The following PDE7B variants were observed in gnomAD, a reference collection of about 807,000 sequenced individuals.
The protein encoded by PDE7B is phosphodiesterase 7B.
Under a neutral mutation model 56.2 loss-of-function variants are expected in PDE7B, and 29 were observed. The observed-to-expected ratio is 0.52, with a 90% CI of 0.38 to 0.70. PDE7B has a LOEUF of 0.70. Among genes scored for constraint, PDE7B ranks in the 30% least tolerant of loss-of-function variants. The probability of loss-of-function intolerance (pLI) is 0.00; values close to 1 mark genes in which losing one functional copy is unlikely to be tolerated. For missense variants in PDE7B, 490 were observed against 565.0 expected, an observed-to-expected ratio of 0.87 and a Z score of 1.35; for synonymous variants, 197 against 196.9, an observed-to-expected ratio of 1.00 and a Z score of 0.00.
intron 1 of PDE7B, among the ~76,000 whole-genome samples, chr6:135,890,978 T>C (rs1775800867): frequency 1.3e-5 from 2 of 152,334 alleles, no homozygotes; most frequent in Admixed American, 1.3e-4. Context: ...ATAAGCCATG[T>C]GCCAAAAAAG....
intron 3 of PDE7B, among the ~76,000 whole-genome samples, chr6:136,141,861 G>C (rs531855450): frequency 6.7e-6 from 1 of 149,922 alleles, no homozygotes; most frequent in Non-Finnish European, 1.5e-5. Context: ...TCTCTTATTC[G>C]TCTTGCGAGC....
At position 136,131,529 on chromosome 6, in the gene PDE7B, G is replaced by A. The variant is rs542609727; in HGVS notation, c.167-15822G>A. ...TTTTTTTTTTTTTTTTGAGCCGCCT[G>A]TTTGCCCAAGTAACTCCCACTCTTT... On this transcript the variant is annotated intron_variant, in intron 3 of 12. Transcript: ENST00000308191. Among the ~76,000 whole-genome samples, 36 of 109,640 alleles carry A rather than the reference G, an allele frequency of 3.3e-4. No individual in the cohort carries two copies. In the East Asian group the frequency reaches 5.4e-3, roughly 16 times the overall value. 71.9% of individuals were successfully genotyped at this position (109,640 alleles called of 152,430 possible).
intron 2 of PDE7B, among the ~76,000 whole-genome samples, chr6:136,014,400 A>T (rs1775941571): frequency 6.6e-6 from 1 of 152,186 alleles, no homozygotes; most frequent in Non-Finnish European, 1.5e-5. Flanking sequence ...TACACATGAT[A>T]TATATTCCAC....
chr6:135,966,466 C>CAGAGT (rs1429182731), intron 2 of PDE7B, among the ~76,000 whole-genome samples: 2 of 152,292 alleles, frequency 1.3e-5, no homozygotes, highest in Admixed American at 1.3e-4. Flanking sequence ...AAGCAGGCTC[C>CAGAGT]AGAGTCTCTT....
chr6:135,942,645 T>C (rs985776817), intron 1 of PDE7B, among the ~76,000 whole-genome samples: 5 of 152,134 alleles, frequency 3.3e-5, no homozygotes, highest in Non-Finnish European at 5.9e-5. Flanking sequence ...AATTTCACCC[T>C]CTAACCTCAC....
At chr6:136,185,570 C>T (rs750633156) in intron 11 of PDE7B, among the ~76,000 whole-genome samples, 2 of 151,638 alleles carry the variant, frequency 1.3e-5, no homozygotes, top group East Asian at 1.9e-4. Context: ...GCCTAGGCAA[C>T]GTAGAGATCC....
At chr6:135,855,069 C>G (rs573781588) in intron 1 of PDE7B, among the ~76,000 whole-genome samples, 2 of 152,206 alleles carry the variant, frequency 1.3e-5, no homozygotes, top group African/African-American at 2.4e-5. Context: ...CATTCAGGCT[C>G]TAATGAGCTG....
chr6:136,188,654 A>G (rs886921252), intron 12 of PDE7B, among the ~76,000 whole-genome samples: 2 of 152,224 alleles, frequency 1.3e-5, no homozygotes, highest in Non-Finnish European at 2.9e-5. Flanking sequence ...TGGATTTGTG[A>G]GACAGACCTG....
Position 136,068,580 on chromosome 6 carries a change from G to A in PDE7B, c.83-40151G>A, listed in dbSNP as rs547479136. Among the ~76,000 whole-genome samples, 5 of 152,076 alleles carry A rather than the reference G, an allele frequency of 3.3e-5. No individual in the cohort carries two copies. In the East Asian group the frequency reaches 5.8e-4, roughly 18 times the overall value. ...AGAGTAGCTGGGACTACAGGCGCCCGCCACCACGCCCGGCTAATTTTTTTG... is the reference window on the plus strand; with the variant it reads ...AGAGTAGCTGGGACTACAGGCGCCCACCACCACGCCCGGCTAATTTTTTTG... On this transcript the variant is annotated intron_variant, in intron 2 of 12. Transcript: ENST00000308191.
intron 2 of PDE7B, among the ~76,000 whole-genome samples, chr6:136,000,519 G>A (rs1435418954): frequency 6.6e-6 from 1 of 152,076 alleles, no homozygotes. Context: ...CTTTTCCCCT[G>A]TCTTGTTTTT....
At chr6:136,028,956 GACTT>G (rs1776194850) in intron 2 of PDE7B, among the ~76,000 whole-genome samples, 5 of 152,170 alleles carry the variant, frequency 3.3e-5, no homozygotes, top group African/African-American at 1.2e-4. Flanking sequence ...GCAACAATAT[GACTT>G]CCACAGAAAT....
At chr6:136,034,978 C>T (rs1185620275) in intron 2 of PDE7B, 1 of 148,898 alleles carries the variant, frequency 6.7e-6, no homozygotes, top group Non-Finnish European at 1.5e-5. Flanking sequence ...TTGGAACAAG[C>T]TGTTTTGACT....
At chr6:136,061,197 T>A (rs1012233608) in intron 2 of PDE7B, among the ~76,000 whole-genome samples, 11 of 152,220 alleles carry the variant, frequency 7.2e-5, no homozygotes, top group African/African-American at 2.6e-4. Flanking sequence ...AAGTTCTGCA[T>A]GTGTGTGTGT....
chr6:136,052,335 A>G (rs1776643889), intron 2 of PDE7B, among the ~76,000 whole-genome samples: 1 of 152,244 alleles, frequency 6.6e-6, no homozygotes, highest in Non-Finnish European at 1.5e-5. Context: ...CTGGGAAGAA[A>G]GATATTTTTC....
chr6:136,153,997 A>G (rs1463835314), intron 6 of PDE7B, 78 bp from the exon 7 acceptor site: 5 of 887,736 alleles, frequency 5.6e-6, no homozygotes, highest in Admixed American at 4.2e-5. Context: ...TTAAGCAAAA[A>G]GCACCCACAG....
intron 2 of PDE7B, among the ~76,000 whole-genome samples, chr6:136,066,433 T>C (rs1776937858): frequency 6.6e-6 from 1 of 152,246 alleles, no homozygotes; most frequent in Non-Finnish European, 1.5e-5. Flanking sequence ...GCCATCATTT[T>C]CTTATTATAG....
chr6:136,005,051 A>AT (rs1775752894), intron 2 of PDE7B, among the ~76,000 whole-genome samples: 1 of 152,218 alleles, frequency 6.6e-6, no homozygotes, highest in Non-Finnish European at 1.5e-5. Context: ...ATAACGCTGC[A>AT]TATCTACAAC....
At chr6:136,040,691 C>T (rs75303725) in intron 2 of PDE7B, among the ~76,000 whole-genome samples, 2,202 of 152,210 alleles carry the variant, frequency 0.014, 60 homozygotes, top group African/African-American at 0.049. Flanking sequence ...CACGGTGCTC[C>T]CTCGCTCTCT....
At chr6:136,120,706 G>A (rs1777915303) in intron 3 of PDE7B, among the ~76,000 whole-genome samples, 1 of 152,132 alleles carries the variant, frequency 6.6e-6, no homozygotes. Flanking sequence ...CCAGAGCTTG[G>A]TGGTCTTGCT....
Sources: allele counts gnomAD v4.1 joint callset (sites outside exome capture counted in the v4.1 genomes callset), GRCh38; gene constraint gnomAD v4.1.1; transcripts MANE v1.5; gene names NCBI Gene and HGNC (gene_info 2026-07-23, HGNC 2026-07-21).